SEL1L: variants seen among roughly 807,000 people sequenced by gnomAD.
SEL1L encodes protein sel-1 homolog 1.
A neutral mutation model predicts 109.8 loss-of-function variants in SEL1L; 52 were observed. The observed-to-expected ratio is 0.47, with a 90% CI of 0.38 to 0.60. The LOEUF is 0.60. SEL1L is among the 20% of genes least tolerant of loss of function. SEL1L has a pLI of 0.00. For missense variants in SEL1L, 749 were observed against 962.2 expected, an observed-to-expected ratio of 0.78 and a Z score of 2.93; for synonymous variants, 373 against 339.6, an observed-to-expected ratio of 1.10 and a Z score of -1.08.
chr14:81,517,647 A>G (rs1171539051), intron 3 of SEL1L, among the ~76,000 whole-genome samples: 1 of 152,234 alleles, frequency 6.6e-6, no homozygotes, highest in Non-Finnish European at 1.5e-5. Context: ...GAGAAAAAAG[A>G]AAAAGAAGAA....
intron 3 of SEL1L, among the ~76,000 whole-genome samples, chr14:81,513,781 C>T (rs183477411): frequency 1.3e-5 from 2 of 152,102 alleles, no homozygotes; most frequent in East Asian, 1.9e-4. Flanking sequence ...GAATTGGGAG[C>T]GTTGGTTTGC....
intron 3 of SEL1L, among the ~76,000 whole-genome samples, chr14:81,516,988 C>T (rs1293734700): frequency 6.6e-6 from 1 of 152,076 alleles, no homozygotes. Flanking sequence ...AATCATTAAA[C>T]CTGGGGATGG....
At chr14:81,498,136 G>A (rs1315807756) in intron 9 of SEL1L, 90 bp from the exon 10 acceptor site, 1 of 1,311,392 alleles carries the variant, frequency 7.6e-7, no homozygotes, top group East Asian at 2.4e-5. Context: ...GCCAAACGTT[G>A]ACGAACACAT....
intron 3 of SEL1L, among the ~76,000 whole-genome samples, chr14:81,522,117 T>A (rs1364984320): frequency 6.6e-6 from 1 of 152,230 alleles, no homozygotes; most frequent in Non-Finnish European, 1.5e-5. Flanking sequence ...TATTTTAAGC[T>A]AAGTGTTACT....
chr14:81,477,669 C>T (rs1177270000), intron 20 of SEL1L, among the ~76,000 whole-genome samples: 1 of 152,040 alleles, frequency 6.6e-6, no homozygotes, highest in African/African-American at 2.4e-5. Context: ...AAAAATTAAC[C>T]AGGCATGGTG....
At chr14:81,490,489 G>C in intron 12 of SEL1L, 24 bp from the exon 13 acceptor site, 1 of 1,535,792 alleles carries the variant, frequency 6.5e-7, no homozygotes, top group Non-Finnish European at 9.0e-7. Flanking sequence ...CCCAATTTCA[G>C]TAAGAGCTGT....
intron 11 of SEL1L, 97 bp downstream of exon 11, chr14:81,494,984 A>G: frequency 2.5e-6 from 3 of 1,186,336 alleles, no homozygotes; most frequent in Non-Finnish European, 3.6e-6. Flanking sequence ...TTTAAATGAC[A>G]GAAGTTTGAT....
intron 5 of SEL1L, 57 bp downstream of exon 5, chr14:81,504,144 A>G (rs1884131235): frequency 1.5e-5 from 15 of 1,029,550 alleles, no homozygotes; most frequent in Non-Finnish European, 2.0e-5. Flanking sequence ...TGTAGTTGCT[A>G]TTTGTCTCAG....
intron 3 of SEL1L, among the ~76,000 whole-genome samples, chr14:81,523,689 G>C (rs1167453043): frequency 6.6e-6 from 1 of 152,056 alleles, no homozygotes; most frequent in East Asian, 1.9e-4. Context: ...GACTGGTCTT[G>C]TGAGACTGAG....
chr14:81,497,952 T>C lies in SEL1L; in HGVS notation c.1068A>G (p.Leu356=). The change falls in exon 10 of 21, where the codon CTA becomes CTG. Residue 356 remains leucine (L), a synonymous_variant. Transcript: ENST00000336735. The part of the protein sequence containing the change: ...VENPGMNSGM[L]EEDLIQYYQF... The stretch of plus-strand genomic sequence containing the variant: ...GGTAATATTGAATCAAATCTTCTTC[T>C]AGCATTCCACTGTTCATTCCTGGAT... 3 of 1,614,152 alleles carry C rather than the reference T, an allele frequency of 1.9e-6. No individual in the cohort carries two copies. Among genetic ancestry groups the C allele is most frequent in the South Asian group, 1.1e-5 (1 of 91,072 alleles).
At chr14:81,494,891 T>C (rs976764746) in intron 11 of SEL1L, among the ~76,000 whole-genome samples, 190 bp downstream of exon 11, 1 of 152,232 alleles carries the variant, frequency 6.6e-6, no homozygotes, top group African/African-American at 2.4e-5. Flanking sequence ...TAGCAGTGAA[T>C]GGCACATAGT....
intron 1 of SEL1L, among the ~76,000 whole-genome samples, chr14:81,532,773 T>C (rs188467942): frequency 1.3e-5 from 2 of 152,318 alleles, no homozygotes; most frequent in Admixed American, 1.3e-4. Context: ...TACTCCGTGT[T>C]GTCCCCCCAA....
In SEL1L at chr14:81,474,422, TG is replaced by T. The variant is rs1903098860; in HGVS notation, c.*2549del. Reference sequence around the variant, plus strand: ...AGACTAGAAAAGGTCTTAGGAGAGATGGGCTACCATGGACAAATGAAGCCAC... The same window carrying T: ...AGACTAGAAAAGGTCTTAGGAGAGATGGCTACCATGGACAAATGAAGCCAC... On this transcript the variant is annotated 3_prime_UTR_variant, in exon 21 of 21. Transcript: ENST00000336735. 6.6e-6 allele frequency: 1 copy of T among 152,164 alleles called. No homozygotes were observed. Among genetic ancestry groups the T allele is most frequent in the Non-Finnish European group, 1.5e-5 (1 of 68,008 alleles). The allele number at this position is 152,164 out of a possible 1,614,324, so 9.4% of individuals were successfully genotyped here.
intron 3 of SEL1L, among the ~76,000 whole-genome samples, chr14:81,516,585 C>T (rs1884710422): frequency 6.6e-6 from 1 of 152,164 alleles, no homozygotes; most frequent in African/African-American, 2.4e-5. Context: ...TCCGGACACG[C>T]CACCATTCTA....
At chr14:81,504,160 GC>G (rs766735644) in intron 5 of SEL1L, 40 bp downstream of exon 5, 1 of 1,225,102 alleles carries the variant, frequency 8.2e-7, no homozygotes, top group East Asian at 2.7e-5. Context: ...CTCAGTAATG[GC>G]CTGTCATGGG....
At chr14:81,515,803 G>A (rs1444805299) in intron 3 of SEL1L, among the ~76,000 whole-genome samples, 1 of 152,082 alleles carries the variant, frequency 6.6e-6, no homozygotes, top group Admixed American at 6.5e-5. Flanking sequence ...AGTGAGCCCT[G>A]GGCCCCGAAC....
intron 3 of SEL1L, among the ~76,000 whole-genome samples, chr14:81,513,282 G>A (rs1381213199): frequency 2.0e-5 from 3 of 152,108 alleles, no homozygotes; most frequent in South Asian, 2.1e-4. Flanking sequence ...CAACCCCCTC[G>A]GGTCCCCTTC....
chr14:81,529,361 G>A (rs774709317), intron 1 of SEL1L, among the ~76,000 whole-genome samples: 6 of 152,066 alleles, frequency 3.9e-5, no homozygotes, highest in Non-Finnish European at 7.4e-5. Context: ...TATCAAAACA[G>A]ATATTAAATG....
At chr14:81,507,311 T>C (rs1595522722) in intron 3 of SEL1L, among the ~76,000 whole-genome samples, 1 of 152,246 alleles carries the variant, frequency 6.6e-6, no homozygotes, top group Middle Eastern at 3.4e-3. Context: ...GTTTAAAGGT[T>C]GTTAACAGTC....
Sources: allele counts gnomAD v4.1 joint callset (sites outside exome capture counted in the v4.1 genomes callset), GRCh38; gene constraint gnomAD v4.1.1; transcripts MANE v1.5; gene names NCBI Gene and HGNC (gene_info 2026-07-23, HGNC 2026-07-21).